Variants in FGF14 observed in about 807,000 individuals in gnomAD.
FGF14 encodes the protein fibroblast growth factor 14, also known as fibroblast growth factor homologous factor 4.
A neutral mutation model predicts 25.5 loss-of-function variants in FGF14; 5 were observed. That is an observed-to-expected ratio of 0.20 (90% confidence interval 0.10 to 0.41). The LOEUF is 0.41. Ranked by LOEUF, FGF14 falls within the 10% of genes least tolerant of loss-of-function variation. The probability of loss-of-function intolerance (pLI) is 1.00; values close to 1 mark genes in which losing one functional copy is unlikely to be tolerated. For synonymous variants in FGF14, 138 were observed against 118.3 expected (o/e 1.17, Z -1.08); for missense variants, 222 against 320.1 (o/e 0.69, Z 2.34).
At chr13:101,885,190 A>G (rs968929231) in intron 1 of FGF14, among the ~76,000 whole-genome samples, 1 of 152,166 alleles carries the variant, frequency 6.6e-6, no homozygotes, top group Non-Finnish European at 1.5e-5. Flanking sequence ...CTGGAAGAAC[A>G]TTTGCACTAG....
At chr13:102,038,462 A>G (rs1447772027) in intron 1 of FGF14, among the ~76,000 whole-genome samples, 1 of 152,136 alleles carries the variant, frequency 6.6e-6, no homozygotes, top group South Asian at 2.1e-4. Context: ...GGGAACAGTT[A>G]TATTATCCAT....
At chr13:101,797,441 CA>C (rs1166052803) in intron 3 of FGF14, among the ~76,000 whole-genome samples, 1 of 151,972 alleles carries the variant, frequency 6.6e-6, no homozygotes, top group East Asian at 1.9e-4. Context: ...CGCACATAAA[CA>C]GGGGTCAATT....
At chr13:101,746,312 T>C (rs540392676) in intron 3 of FGF14, among the ~76,000 whole-genome samples, 9 of 152,118 alleles carry the variant, frequency 5.9e-5, no homozygotes, top group African/African-American at 2.2e-4. Context: ...AAAGTAATGA[T>C]GTAAAAGGCA....
At chr13:102,314,136 TATAAG>T (rs2055906440) in intron 1 of FGF14, among the ~76,000 whole-genome samples, 1 of 152,170 alleles carries the variant, frequency 6.6e-6, no homozygotes, top group Admixed American at 6.5e-5. Context: ...TCAGTTGAAA[TATAAG>T]AGACAGAAAT....
chr13:102,158,332 A>G (rs375224939), intron 1 of FGF14, among the ~76,000 whole-genome samples: 41 of 152,314 alleles, frequency 2.7e-4, no homozygotes, highest in African/African-American at 7.5e-4. Flanking sequence ...ATGGAATACT[A>G]TGCAGCCATA....
At chr13:102,196,961 T>TTG (rs895694736) in intron 1 of FGF14, among the ~76,000 whole-genome samples, 2 of 151,686 alleles carry the variant, frequency 1.3e-5, no homozygotes, top group Non-Finnish European at 2.9e-5. Context: ...TTTTTGGTTT[T>TTG]TTTTTTTCTG....
intron 1 of FGF14, among the ~76,000 whole-genome samples, chr13:102,355,218 C>T (rs2057388433): frequency 6.6e-6 from 1 of 152,048 alleles, no homozygotes; most frequent in South Asian, 2.1e-4. Context: ...ACACAGATTC[C>T]AACAAAGCAT....
At chr13:101,961,137 G>T (rs150683279) in intron 1 of FGF14, among the ~76,000 whole-genome samples, 1 of 152,136 alleles carries the variant, frequency 6.6e-6, no homozygotes, top group African/African-American at 2.4e-5. Context: ...TCTGTAGGTT[G>T]TATATTCACT....
At chr13:102,196,203 G>A (rs2049343527) in intron 1 of FGF14, among the ~76,000 whole-genome samples, 1 of 152,226 alleles carries the variant, frequency 6.6e-6, no homozygotes, top group South Asian at 2.1e-4. Context: ...CTAGACAAGA[G>A]AATTAAGACA....
At chr13:102,161,655 GAAGAAGAAGAAGAAGAA>G (rs2047737825) in intron 1 of FGF14, among the ~76,000 whole-genome samples, 2 of 19,286 alleles carry the variant, frequency 1.0e-4, no homozygotes, top group African/African-American at 4.1e-4. Flanking sequence ...AGAAGAAGAA[GAAGAAGAAGAAGAAGAA>G]GAAGAAGAAG....
intron 1 of FGF14, among the ~76,000 whole-genome samples, chr13:102,397,447 A>G (rs765654345): frequency 1.3e-5 from 2 of 152,222 alleles, no homozygotes; most frequent in Non-Finnish European, 2.9e-5. Context: ...GAATGTTCTC[A>G]GTGTGCTGTG....
At position 101,820,997 on chromosome 13, in the gene FGF14, G is replaced by C. The variant is rs555300607; in HGVS notation, c.408+47728C>G. Reference sequence around the variant, plus strand: ...CAGAGTCTCGCTGTCGCCCAGGCTGGAGTGCAGTGGCATGATCTCGGCTCA... The same window carrying C: ...CAGAGTCTCGCTGTCGCCCAGGCTGCAGTGCAGTGGCATGATCTCGGCTCA... On this transcript the variant is annotated intron_variant, in intron 3 of 4. Transcript: ENST00000376143. Among the ~76,000 whole-genome samples, 636 of 148,902 alleles carry C rather than the reference G, an allele frequency of 4.3e-3. 5 individuals carry two copies. The highest frequency in any genetic ancestry group is 0.015 in the African/African-American group (612 of 40,762).
At chr13:102,168,212 A>C (rs765267000) in intron 1 of FGF14, among the ~76,000 whole-genome samples, 3 of 152,118 alleles carry the variant, frequency 2.0e-5, no homozygotes, top group Non-Finnish European at 4.4e-5. Context: ...GACAGTGTAA[A>C]CATTTCCTGA....
At chr13:101,878,395 T>A (rs2045515832) in intron 1 of FGF14, among the ~76,000 whole-genome samples, 1 of 152,154 alleles carries the variant, frequency 6.6e-6, no homozygotes, top group Non-Finnish European at 1.5e-5. Flanking sequence ...ATCAAATTCT[T>A]CCTTTGGACA....
At chr13:102,043,812 A>T (rs1332272140) in intron 1 of FGF14, among the ~76,000 whole-genome samples, 1 of 152,072 alleles carries the variant, frequency 6.6e-6, no homozygotes, top group East Asian at 1.9e-4. Context: ...CTCACTTTAG[A>T]TGGTCTCCAG....
chr13:101,994,274 A>G (rs2039063398), intron 1 of FGF14, among the ~76,000 whole-genome samples: 1 of 152,028 alleles, frequency 6.6e-6, no homozygotes, highest in Non-Finnish European at 1.5e-5. Context: ...TCAATACATG[A>G]TAAAATTAAA....
chr13:101,733,259 G>A (rs2035929096), intron 3 of FGF14, among the ~76,000 whole-genome samples: 1 of 152,076 alleles, frequency 6.6e-6, no homozygotes, highest in Non-Finnish European at 1.5e-5. Flanking sequence ...TAGTTAATTG[G>A]TTGTGTGTGT....
chr13:102,163,057 A>G (rs896181206), intron 1 of FGF14, among the ~76,000 whole-genome samples: 1 of 152,194 alleles, frequency 6.6e-6, no homozygotes, highest in African/African-American at 2.4e-5. Context: ...AGAGGGATTC[A>G]TACGTTTCCT....
At chr13:101,784,509 C>T (rs2039693289) in intron 3 of FGF14, among the ~76,000 whole-genome samples, 1 of 152,138 alleles carries the variant, frequency 6.6e-6, no homozygotes, top group African/African-American at 2.4e-5. Flanking sequence ...CATATTTGTG[C>T]TCCAGGGAGC....
Sources: allele counts gnomAD v4.1 joint callset (sites outside exome capture counted in the v4.1 genomes callset), GRCh38; gene constraint gnomAD v4.1.1; transcripts MANE v1.5; gene names NCBI Gene and HGNC (gene_info 2026-07-23, HGNC 2026-07-21).